The following NRG1 variants were observed in gnomAD, a reference collection of about 807,000 sequenced individuals.
NRG1 encodes neuregulin 1.
A neutral mutation model predicts 63.8 loss-of-function variants in NRG1; 18 were observed. The observed-to-expected ratio is 0.28, with a 90% CI of 0.19 to 0.42. The LOEUF (loss-of-function observed/expected upper bound fraction) is 0.42. NRG1 is among the 10% of genes least tolerant of loss of function. NRG1 has a pLI of 1.00. For missense variants in NRG1, 762 were observed against 814.7 expected, an observed-to-expected ratio of 0.94 and a Z score of 0.79; for synonymous variants, 302 against 301.3, an observed-to-expected ratio of 1.00 and a Z score of -0.02.
In NRG1 at chr8:31,901,837, C is replaced by T. The variant is rs117398711; in HGVS notation, c.37+262406C>T. 3.8e-3 allele frequency among the ~76,000 whole-genome samples: 576 copies of T among 152,212 alleles called. 1 individual carries two copies. Among genetic ancestry groups the T allele is most frequent in the Middle Eastern group, 0.024 (7 of 294 alleles). The stretch of plus-strand genomic sequence containing the variant: ...CAGTTCCTGGTTATTGTCATCATTC[C>T]TTTATCAGAGTTTGTTTCCTTGTCA... On this transcript the variant is annotated intron_variant, in intron 1 of 10. Transcript: ENST00000519301.
chr8:31,726,637 CCAA>C (rs1367084500), intron 1 of NRG1, among the ~76,000 whole-genome samples: 1 of 151,916 alleles, frequency 6.6e-6, no homozygotes, highest in African/African-American at 2.4e-5. Flanking sequence ...GCTAGAAGTA[CCAA>C]TACCAGTGGG....
chr8:32,373,844 T>A lies in NRG1; in HGVS notation c.38-221984T>A, dbSNP rs568377012. Among the ~76,000 whole-genome samples the A allele has an allele frequency of 1.4e-4, 21 of 152,174 alleles. 1 individual carries two copies. The highest frequency in any genetic ancestry group is 5.9e-4 in the Admixed American group (9 of 15,276). On this transcript the variant is annotated intron_variant, in intron 1 of 10. Coordinates refer to the NRG1 transcript ENST00000519301. Reference sequence around the variant, plus strand: ...GCTATGCAGCACTAAAAGTATATTTTAAAAAAAACTTGAGAAATGCTTCTA... The same window carrying A: ...GCTATGCAGCACTAAAAGTATATTTAAAAAAAAACTTGAGAAATGCTTCTA...
chr8:32,142,165 A>G (rs1385637356), intron 1 of NRG1, among the ~76,000 whole-genome samples: 1 of 152,160 alleles, frequency 6.6e-6, no homozygotes, highest in Admixed American at 6.5e-5. Context: ...TTTTGAACTG[A>G]TAGAGGGATG....
chr8:31,733,408 G>A (rs562042598), intron 1 of NRG1, among the ~76,000 whole-genome samples: 1 of 152,170 alleles, frequency 6.6e-6, no homozygotes, highest in South Asian at 2.1e-4. Flanking sequence ...TGCCACTGTA[G>A]GTATAAAACA....
chr8:32,533,099 C>T (rs952100874), intron 1 of NRG1, among the ~76,000 whole-genome samples: 7 of 151,108 alleles, frequency 4.6e-5, no homozygotes, highest in African/African-American at 7.3e-5. Context: ...TTCATAATTA[C>T]GGTCCATAAC....
chr8:31,811,152 A>T (rs1378890459), intron 1 of NRG1, among the ~76,000 whole-genome samples: 3 of 152,216 alleles, frequency 2.0e-5, no homozygotes, highest in Non-Finnish European at 4.4e-5. Flanking sequence ...AAGGCAGCCA[A>T]CTAGACCAGC....
At chr8:32,268,705 C>T (rs1256372526) in intron 1 of NRG1, among the ~76,000 whole-genome samples, 1 of 152,138 alleles carries the variant, frequency 6.6e-6, no homozygotes, top group Non-Finnish European at 1.5e-5. Flanking sequence ...TAGAAGCCAA[C>T]TCTCAACAGT....
intron 1 of NRG1, among the ~76,000 whole-genome samples, chr8:32,582,697 A>G (rs1021885668): frequency 2.6e-5 from 4 of 152,176 alleles, no homozygotes; most frequent in African/African-American, 4.8e-5. Context: ...ACCTGACTTC[A>G]AAGCCCAAGT....
chr8:31,922,862 C>T (rs1834027951), intron 1 of NRG1, among the ~76,000 whole-genome samples: 1 of 151,840 alleles, frequency 6.6e-6, no homozygotes, highest in African/African-American at 2.4e-5. Flanking sequence ...GAGCTTGTAG[C>T]TTAGTGGGAA....
At chr8:32,091,055 G>A (rs185875403) in intron 1 of NRG1, among the ~76,000 whole-genome samples, 16 of 152,258 alleles carry the variant, frequency 1.1e-4, no homozygotes, top group East Asian at 9.7e-4. Context: ...CGAGGTGGGC[G>A]GATCACGAGG....
intron 5 of NRG1, among the ~76,000 whole-genome samples, chr8:32,631,046 G>T (rs906313181): frequency 6.6e-6 from 1 of 152,128 alleles, no homozygotes; most frequent in South Asian, 2.1e-4. Context: ...TTTCTAAACA[G>T]GGCAGACCAT....
chr8:32,267,110 GGAGGGAA>G (rs1563250871), intron 1 of NRG1, among the ~76,000 whole-genome samples: 6 of 143,812 alleles, frequency 4.2e-5, no homozygotes, highest in African/African-American at 7.8e-5. Flanking sequence ...AAGGAAGGAA[GGAGGGAA>G]GGAAGGAAGG....
intron 1 of NRG1, among the ~76,000 whole-genome samples, chr8:32,261,924 G>A (rs1217935711): frequency 6.6e-6 from 1 of 152,120 alleles, no homozygotes; most frequent in Non-Finnish European, 1.5e-5. Flanking sequence ...CAGGCTTACA[G>A]TTCTCTGAGC....
chr8:32,150,994 G>C (rs1042513429), intron 1 of NRG1, among the ~76,000 whole-genome samples: 3 of 152,128 alleles, frequency 2.0e-5, no homozygotes, highest in Non-Finnish European at 2.9e-5. Flanking sequence ...TTTTTCAGCT[G>C]TCAACTAGGA....
Position 32,101,998 on chromosome 8 carries a change from AG to A in NRG1, c.37+462568del, listed in dbSNP as rs1226194614. Among the ~76,000 whole-genome samples, 28 of 152,318 alleles carry A rather than the reference AG, an allele frequency of 1.8e-4. 1 individual carries two copies. The East Asian group carries it at 2.3e-3, about 13-fold the overall frequency. ...TTTTTTAGAGAAGGGCTTTGCATTT[AG>A]ACTTGAGCAGTTTAGCAGGCTTCGT... On this transcript the variant is annotated intron_variant, in intron 1 of 10. Coordinates refer to the NRG1 transcript ENST00000519301.
intron 1 of NRG1, among the ~76,000 whole-genome samples, chr8:32,415,351 G>A (rs1266130972): frequency 8.1e-6 from 1 of 123,536 alleles, no homozygotes; most frequent in African/African-American, 3.1e-5. Flanking sequence ...AGGTTTCAGA[G>A]CAAGACTCTG....
At chr8:32,182,770 A>G (rs931066643) in intron 1 of NRG1, among the ~76,000 whole-genome samples, 2 of 152,142 alleles carry the variant, frequency 1.3e-5, no homozygotes, top group African/African-American at 2.4e-5. Context: ...CCAGCCCACT[A>G]TGGTTTATAT....
At chr8:32,614,810 C>T (rs905132528) in intron 4 of NRG1, among the ~76,000 whole-genome samples, 41 of 152,056 alleles carry the variant, frequency 2.7e-4, no homozygotes, top group African/African-American at 8.2e-4. Context: ...TATCTAGGTG[C>T]AACTTAATGA....
chr8:32,443,385 A>G (rs1490894298), intron 1 of NRG1, among the ~76,000 whole-genome samples: 1 of 152,192 alleles, frequency 6.6e-6, no homozygotes, highest in Non-Finnish European at 1.5e-5. Flanking sequence ...CTCTGGTGAC[A>G]ATGGGCAAAG....
Sources: gnomAD v4.1 joint callset for allele counts (sites outside exome capture counted in the v4.1 genomes callset) on GRCh38, gnomAD v4.1.1 for gene constraint, MANE v1.5 for transcripts, NCBI Gene and HGNC (gene_info 2026-07-23, HGNC 2026-07-21) for gene names.